Variants in ARPC1A observed in about 807,000 individuals in gnomAD.
ARPC1A encodes the protein actin-related protein 2/3 complex subunit 1A.
ARPC1A carries 8 observed loss-of-function variants against 46.9 expected under a neutral mutation model. That is an observed-to-expected ratio of 0.17 (90% CI 0.10 to 0.31). ARPC1A has a LOEUF of 0.31. Among genes scored for constraint, ARPC1A ranks in the 10% least tolerant of loss-of-function variants. The probability of loss-of-function intolerance (pLI) is 1.00; values close to 1 mark genes in which losing one functional copy is unlikely to be tolerated. For synonymous variants in ARPC1A, 152 were observed against 169.0 expected, an observed-to-expected ratio of 0.90 and a Z score of 0.78; for missense variants, 286 against 483.6, an observed-to-expected ratio of 0.59 and a Z score of 3.83.
At chr7:99,329,142 T>C (rs1793101771) in intron 1 of ARPC1A, among the ~76,000 whole-genome samples, 2 of 150,858 alleles carry the variant, frequency 1.3e-5, no homozygotes, top group Admixed American at 1.3e-4. Context: ...CTACTAAAAA[T>C]ACAAAAAAAT....
intron 2 of ARPC1A, among the ~76,000 whole-genome samples, chr7:99,337,790 C>T (rs1793281730): frequency 6.6e-6 from 1 of 151,994 alleles, no homozygotes; most frequent in African/African-American, 2.4e-5. Flanking sequence ...TTCAGTGTTT[C>T]AAAAAGACAA....
chr7:99,350,631 CTTTTTTTTTTTTTTTTTTTTT>C (rs540737612), intron 5 of ARPC1A, among the ~76,000 whole-genome samples: 4 of 67,536 alleles, frequency 5.9e-5, no homozygotes, highest in African/African-American at 2.0e-4. Flanking sequence ...ATGAGGTGCA[CTTTTTTTTTTTTTTTTTTTTT>C]TTTTTTTTTT....
rs577532867 is a variant in ARPC1A at position 99,365,616 on chromosome 7, A to T, written c.1075-275A>T. Among the ~76,000 whole-genome samples, 107 of 127,204 alleles carry T rather than the reference A, an allele frequency of 8.4e-4. No individual in the cohort carries two copies. In the East Asian group the frequency reaches 0.023, roughly 27 times the overall value. The allele number at this position is 127,204 out of a possible 152,430, so 83.5% of individuals were successfully genotyped here. On this transcript the variant is annotated intron_variant, in intron 9 of 9. Coordinates refer to ENST00000262942, the MANE Select transcript of ARPC1A (RefSeq NM_006409.4). The stretch of plus-strand genomic sequence containing the variant: ...GGCAACAGAGCAAGACCCTATCTTT[A>T]AAAAAAAAAAAAAAGAGGAGTGAGG...
chr7:99,352,235 G>A (rs1403062751), intron 5 of ARPC1A, among the ~76,000 whole-genome samples: 1 of 152,180 alleles, frequency 6.6e-6, no homozygotes, highest in Non-Finnish European at 1.5e-5. Flanking sequence ...GTCTCATGTG[G>A]GCAAGGGAGG....
At chr7:99,344,601 T>G (rs1464813829) in intron 4 of ARPC1A, 86 bp downstream of exon 4, 5 of 1,370,702 alleles carry the variant, frequency 3.6e-6, no homozygotes, top group Non-Finnish European at 5.1e-6. Context: ...ACTCCAGTTT[T>G]TCTCATCCGG....
At chr7:99,326,222 C>A (rs1281229426) in intron 1 of ARPC1A, among the ~76,000 whole-genome samples, 1 of 152,182 alleles carries the variant, frequency 6.6e-6, no homozygotes, top group Non-Finnish European at 1.5e-5. Context: ...AGCTCCTAGC[C>A]GCCTCCGATG....
intron 2 of ARPC1A, among the ~76,000 whole-genome samples, chr7:99,336,207 T>A (rs1436941794): frequency 6.6e-6 from 1 of 152,168 alleles, no homozygotes; most frequent in Non-Finnish European, 1.5e-5. Flanking sequence ...TCAACATTTT[T>A]TGTGACATTG....
chr7:99,365,391 A>G (rs552472802), intron 9 of ARPC1A, among the ~76,000 whole-genome samples: 5 of 152,098 alleles, frequency 3.3e-5, no homozygotes, highest in Non-Finnish European at 7.4e-5. Flanking sequence ...TCTTGAGCAC[A>G]GGAGTTCGAG....
chr7:99,333,939 C>G (rs1320167165), intron 2 of ARPC1A, among the ~76,000 whole-genome samples: 1 of 149,582 alleles, frequency 6.7e-6, no homozygotes, highest in Admixed American at 6.7e-5. Flanking sequence ...GAGTTCAAGA[C>G]CAACCTGAGC....
chr7:99,333,332 T>C lies in ARPC1A; in HGVS notation c.-22T>C. 6.2e-7 allele frequency: 1 copy of C among 1,606,082 alleles called. No homozygotes were observed. The highest frequency in any genetic ancestry group is 8.5e-7 in the Non-Finnish European group (1 of 1,173,396). The stretch of plus-strand genomic sequence containing the variant: ...TGTTATTGTTCATTGCAGCTTTCTC[T>C]CCTTTGAAAACACTAAGAATAATGT... On this transcript the variant is annotated 5_prime_UTR_variant, in exon 2 of 10. Transcript: ENST00000262942.
chr7:99,353,910 G>A lies in ARPC1A; in HGVS notation c.502G>A (p.Val168Met). 6.2e-7 allele frequency: 1 copy of A among 1,613,676 alleles called. No homozygotes were observed. The highest frequency in any genetic ancestry group is 8.5e-7 in the Non-Finnish European group (1 of 1,179,730). Residue 168 changes from valine (V) to methionine (M), a missense_variant and splice_region_variant, in exon 6 of 10, where the codon GTG becomes ATG. By Grantham distance (21) the Val-to-Met change is conservative. Around this residue, in one of 5 missense-constraint regions of ARPC1A, gnomAD observed 182 missense variants for 276.7 expected, o/e 0.66. Transcript: ENST00000262942. The part of the protein sequence containing the change: ...AAGSCDFKCR[V>M]FSAYIKEVDE... ...CTTTTCTCTCTGCCCTTTAAACAGA[G>A]TGTTTTCTGCCTACATTAAAGAAGT...
intron 8 of ARPC1A, among the ~76,000 whole-genome samples, chr7:99,362,124 G>A (rs1350437226): frequency 2.0e-5 from 3 of 151,716 alleles, no homozygotes; most frequent in African/African-American, 2.4e-5. Context: ...GCAAAACCCC[G>A]TCTCTATTAA....
Position 99,358,316 on chromosome 7 carries a change from G to A in ARPC1A, c.714-24G>A, listed in dbSNP as rs151068268. 4.1e-4 allele frequency: 651 copies of A among 1,606,366 alleles called. 3 individuals carry two copies. In the African/African-American group the frequency reaches 7.6e-3, roughly 19 times the overall value. On this transcript the variant is annotated intron_variant, in intron 6 of 9. Coordinates refer to ENST00000262942, the MANE Select transcript of ARPC1A (RefSeq NM_006409.4). The stretch of plus-strand genomic sequence containing the variant: ...AAGCTAATAGTCTGTTGCATCTTGG[G>A]ATAACACATGTTCTTGTGTTCAGGG...
intron 3 of ARPC1A, 38 bp downstream of exon 3, chr7:99,338,323 C>A: frequency 6.9e-7 from 1 of 1,443,358 alleles, no homozygotes; most frequent in Non-Finnish European, 9.5e-7. Context: ...GTGATATTTC[C>A]AAATCAGGCA....
At chr7:99,340,130 T>G in intron 3 of ARPC1A, 2 of 411,718 alleles carry the variant, frequency 4.9e-6, no homozygotes, top group South Asian at 3.3e-5. Context: ...TTTCATTGAG[T>G]TTTTGTCTTT....
intron 7 of ARPC1A, 155 bp downstream of exon 7, chr7:99,358,570 T>G: frequency 1.5e-6 from 1 of 649,586 alleles, no homozygotes; most frequent in Non-Finnish European, 2.5e-6. Flanking sequence ...AGATGGAGTT[T>G]TGCTCTTGTT....
intron 8 of ARPC1A, among the ~76,000 whole-genome samples, chr7:99,361,045 C>A (rs1562803657): frequency 6.6e-6 from 1 of 151,510 alleles, no homozygotes. Flanking sequence ...TACTGAGAAG[C>A]CTTTTATGTT....
intron 6 of ARPC1A, among the ~76,000 whole-genome samples, chr7:99,356,702 C>G (rs1793640950): frequency 6.6e-6 from 1 of 151,682 alleles, no homozygotes; most frequent in Non-Finnish European, 1.5e-5. Context: ...GAGATCGAGA[C>G]CATCCTGGCT....
Position 99,333,414 on chromosome 7 carries a change from A to G in ARPC1A, c.61A>G (p.Thr21Ala), listed in dbSNP as rs144806851. Reference protein sequence around the residue: ...ITCHAWNRDRTQIALSPNNHE... With the variant: ...ITCHAWNRDRAQIALSPNNHE... ...CTGTCATGCCTGGAACAGGGATCGT[A>G]CTCGTAAGTATTTTATTAACTTTGC... Residue 21 changes from threonine to alanine, a missense_variant, in exon 2 of 10, where the codon ACT becomes GCT. By Grantham distance (58) the Thr-to-Ala change is moderately conservative. Transcript: ENST00000262942. 30 of 1,611,844 alleles carry G rather than the reference A, an allele frequency of 1.9e-5. No individual in the cohort carries two copies. In the South Asian group the frequency reaches 3.0e-4, roughly 16 times the overall value.
Sources: gnomAD v4.1 joint callset for allele counts (sites outside exome capture counted in the v4.1 genomes callset) on GRCh38, gnomAD v4.1.1 for gene constraint, gnomAD v4.1.1 regional missense constraint, MANE v1.5 for transcripts, NCBI Gene and HGNC (gene_info 2026-07-23, HGNC 2026-07-21) for gene names.